EXO1: variants seen among roughly 807,000 people sequenced by gnomAD.
EXO1 encodes the protein exonuclease 1.
A neutral mutation model predicts 84.5 loss-of-function variants in EXO1; 69 were observed. The ratio of observed to expected loss-of-function variants is 0.82; its 90% confidence interval spans 0.67 to 1.00. EXO1 has a LOEUF of 1.00. Ranked by LOEUF, EXO1 falls within the 50% of genes least tolerant of loss-of-function variation. The pLI, the probability that EXO1 is intolerant of heterozygous loss-of-function variation, is 0.00. For missense variants in EXO1, 1,045 were observed against 1,000.7 expected, an observed-to-expected ratio of 1.04 and a Z score of -0.60; for synonymous variants, 373 against 366.1, an observed-to-expected ratio of 1.02 and a Z score of -0.21.
chr1:241,882,034 A>ATT lies in EXO1; in HGVS notation c.2211+26_2211+27dup. On this transcript the variant is annotated intron_variant, in intron 14 of 15. Coordinates refer to ENST00000366548, the MANE Select transcript of EXO1 (RefSeq NM_130398.4). Reference sequence around the variant, plus strand: ...AGGAACAAGGTAAAACATTTATTTAATTTTTTTTTTAATTTCAGAAGCGGT... The same window carrying ATT: ...AGGAACAAGGTAAAACATTTATTTAATTTTTTTTTTTTAATTTCAGAAGCGGT... 3.3e-6 allele frequency: 4 copies of ATT among 1,229,782 alleles called. No homozygotes were observed. The highest frequency in any genetic ancestry group is 4.7e-6 in the Non-Finnish European group (4 of 846,050). 76.2% of individuals were successfully genotyped at this position (1,229,782 alleles called of 1,614,324 possible). A position where few individuals can be genotyped will look rare whatever the true frequency, so the allele number is the denominator to read the frequency against.
At chr1:241,872,917 G>A (rs1196173827) in intron 12 of EXO1, among the ~76,000 whole-genome samples, 2 of 152,130 alleles carry the variant, frequency 1.3e-5, no homozygotes, top group African/African-American at 2.4e-5. Flanking sequence ...CTAGATCCTT[G>A]AGGAGTCGCC....
chr1:241,866,356 C>T (rs368579952), intron 10 of EXO1, among the ~76,000 whole-genome samples: 9 of 152,092 alleles, frequency 5.9e-5, no homozygotes, highest in East Asian at 5.8e-4. Context: ...TCAAGTGATC[C>T]GCCTGCCTCA....
intron 11 of EXO1, among the ~76,000 whole-genome samples, chr1:241,869,737 T>C (rs1661972438): frequency 8.9e-6 from 1 of 112,322 alleles, no homozygotes; most frequent in East Asian, 3.3e-4. Flanking sequence ...CTTCCTTCCT[T>C]CCCTCCCTCC....
intron 8 of EXO1, among the ~76,000 whole-genome samples, chr1:241,859,891 A>C (rs1284856501): frequency 1.3e-5 from 2 of 152,174 alleles, no homozygotes; most frequent in Non-Finnish European, 2.9e-5. Flanking sequence ...TATTTCCAGG[A>C]GTATAAGGCC....
chr1:241,863,157 T>A (rs1274592835), intron 10 of EXO1, among the ~76,000 whole-genome samples: 1 of 152,206 alleles, frequency 6.6e-6, no homozygotes. Flanking sequence ...ACTTTCCAGG[T>A]GCTCTTTTAA....
At chr1:241,866,665 T>C (rs1163851294) in intron 10 of EXO1, among the ~76,000 whole-genome samples, 165 bp from the exon 11 acceptor site, 1 of 150,832 alleles carries the variant, frequency 6.6e-6, no homozygotes, top group Admixed American at 6.7e-5. Context: ...TGGAAAAGTA[T>C]AGGACCAGCA....
At chr1:241,861,340 A>T (rs1661369422) in intron 9 of EXO1, 66 bp from the exon 10 acceptor site, 4 of 845,252 alleles carry the variant, frequency 4.7e-6, no homozygotes, top group African/African-American at 1.7e-5. Context: ...ACATTTTTCC[A>T]TCTTAGTATA....
intron 14 of EXO1, among the ~76,000 whole-genome samples, chr1:241,882,957 A>G (rs2148527055): frequency 6.6e-6 from 1 of 152,344 alleles, no homozygotes; most frequent in South Asian, 2.1e-4. Flanking sequence ...CTAAGGAAAC[A>G]TTGAGAATTT....
intron 12 of EXO1, among the ~76,000 whole-genome samples, chr1:241,877,962 G>A (rs953021573): frequency 1.3e-5 from 2 of 152,122 alleles, no homozygotes; most frequent in African/African-American, 4.8e-5. Flanking sequence ...CAAAATATGA[G>A]AGAATAGTTG....
chr1:241,866,238 C>T (rs1383970335), intron 10 of EXO1, among the ~76,000 whole-genome samples: 1 of 152,144 alleles, frequency 6.6e-6, no homozygotes, highest in Non-Finnish European at 1.5e-5. Context: ...CTCAACCTCC[C>T]AAGTAGCTGG....
intron 11 of EXO1, among the ~76,000 whole-genome samples, chr1:241,870,075 G>T (rs1483798940): frequency 1.3e-5 from 2 of 152,180 alleles, no homozygotes; most frequent in African/African-American, 2.4e-5. Flanking sequence ...CTCCCAAAGT[G>T]CTGGGAATAC....
chr1:241,876,177 A>G (rs1662391507), intron 12 of EXO1, among the ~76,000 whole-genome samples: 3 of 152,238 alleles, frequency 2.0e-5, no homozygotes, highest in Admixed American at 2.0e-4. Context: ...GTGCATTAAG[A>G]GATACCTAGA....
At chr1:241,875,185 G>T (rs1662321593) in intron 12 of EXO1, among the ~76,000 whole-genome samples, 1 of 152,076 alleles carries the variant, frequency 6.6e-6, no homozygotes, top group South Asian at 2.1e-4. Flanking sequence ...TATGTTTTTA[G>T]AAGAAATGGG....
intron 6 of EXO1, among the ~76,000 whole-genome samples, chr1:241,854,348 G>A (rs575377141): frequency 8.5e-5 from 13 of 152,248 alleles, no homozygotes; most frequent in Admixed American, 5.2e-4. Context: ...TATTGGTCAC[G>A]CTGGGCTCGA....
intron 12 of EXO1, among the ~76,000 whole-genome samples, chr1:241,874,902 A>C (rs766997149): frequency 6.6e-6 from 1 of 152,270 alleles, no homozygotes; most frequent in Non-Finnish European, 1.5e-5. Context: ...GAAGTGATCT[A>C]GGCATGATAG....
intron 11 of EXO1, among the ~76,000 whole-genome samples, chr1:241,869,665 G>A (rs1362586893): frequency 6.6e-6 from 1 of 152,040 alleles, no homozygotes; most frequent in African/African-American, 2.4e-5. Flanking sequence ...AAAGGTTTTT[G>A]TGTATGTTAT....
At chr1:241,888,651 G>A (rs1663196302) in intron 15 of EXO1, among the ~76,000 whole-genome samples, 1 of 152,232 alleles carries the variant, frequency 6.6e-6, no homozygotes, top group Admixed American at 6.5e-5. Flanking sequence ...GAGAAAAAAA[G>A]ATGTACTGGT....
chr1:241,870,944 C>T (rs1250548640), intron 11 of EXO1, among the ~76,000 whole-genome samples: 2 of 152,158 alleles, frequency 1.3e-5, no homozygotes, highest in African/African-American at 4.8e-5. Context: ...TGCTGCAAAT[C>T]CCCATAACTA....
In EXO1 at chr1:241,889,752, G is replaced by T; in HGVS notation, c.*152G>T. 1.4e-6 allele frequency: 1 copy of T among 739,948 alleles called. No individual in the cohort carries two copies. The highest frequency in any genetic ancestry group is 2.3e-6 in the Non-Finnish European group (1 of 437,230). The allele number at this position is 739,948 out of a possible 1,614,324, so 45.8% of individuals were successfully genotyped here. On this transcript the variant is annotated 3_prime_UTR_variant, in exon 16 of 16. Coordinates refer to ENST00000366548, the MANE Select transcript of EXO1 (RefSeq NM_130398.4). ...CATTTTGTATATTAACTTTATAATT[G>T]GGTTGTGGTTTTTTTGCTCAGCTTT...
Sources: gnomAD v4.1 joint callset for allele counts (sites outside exome capture counted in the v4.1 genomes callset) on GRCh38, gnomAD v4.1.1 for gene constraint, MANE v1.5 for transcripts, NCBI Gene and HGNC (gene_info 2026-07-23, HGNC 2026-07-21) for gene names.